Variants in MSTO1 observed in about 807,000 individuals in gnomAD.
MSTO1 encodes protein misato homolog 1.
A neutral mutation model predicts 55.7 loss-of-function variants in MSTO1; 24 were observed. The observed-to-expected ratio is 0.43, with a 90% CI of 0.31 to 0.61. MSTO1 has a LOEUF of 0.61. MSTO1 is among the 20% of genes least tolerant of loss of function. The probability of loss-of-function intolerance (pLI) is 0.09; values close to 1 mark genes in which losing one functional copy is unlikely to be tolerated. For missense variants in MSTO1, 363 were observed against 625.7 expected, an observed-to-expected ratio of 0.58 and a Z score of 4.48; for synonymous variants, 162 against 252.8, an observed-to-expected ratio of 0.64 and a Z score of 3.41.
chr1:155,602,375 C>T, the MSTO1 span, among the ~76,000 whole-genome samples: 2 of 152,176 alleles, frequency 1.3e-5, no homozygotes, highest in South Asian at 4.1e-4. Flanking sequence ...ACTTGGGAGG[C>T]TGAGGCAGGA....
At chr1:155,592,902 A>G in the MSTO1 span, among the ~76,000 whole-genome samples, 5 of 150,416 alleles carry the variant, frequency 3.3e-5, no homozygotes, top group South Asian at 1.1e-3. Flanking sequence ...TAAATTTCCT[A>G]CAGAGCAGTT....
the MSTO1 span, chr1:155,563,955 G>A: frequency 5.5e-6 from 1 of 180,828 alleles, no homozygotes; most frequent in Non-Finnish European, 1.2e-5. Flanking sequence ...GGCCTGTTAG[G>A]TTTCTGTGGC....
chr1:155,572,566 A>G, the MSTO1 span, among the ~76,000 whole-genome samples: 1 of 151,676 alleles, frequency 6.6e-6, no homozygotes, highest in African/African-American at 2.4e-5. Flanking sequence ...ACAAAACTTA[A>G]CCAGCCATGG....
rs776187235 is a variant in MSTO1, at chr1:155,612,253, A to C, written c.750A>C (p.Gln250His). 6.3e-7 allele frequency: 1 copy of C among 1,592,578 alleles called. No homozygotes were observed. Among genetic ancestry groups the C allele is most frequent in the Non-Finnish European group, 8.6e-7 (1 of 1,169,010 alleles). ...GCGCGAAGGCGGCAGAGCTGCTACA[A>C]GATGAATATTCAGGGCGGGGAATAA... is the stretch of plus-strand genomic sequence containing the variant. ...GVGAKAAELL[Q>H]DEYSGRGIIT... Residue 250 changes from glutamine to histidine, a missense_variant, in exon 8 of 14, where the codon CAA becomes CAC. Coordinates refer to ENST00000245564, the MANE Select transcript of MSTO1 (RefSeq NM_018116.4).
chr1:155,606,197 CCTTTTTTTTTTTT>C (rs1175239322), upstream of MSTO1, among the ~76,000 whole-genome samples: 1 of 53,294 alleles, frequency 1.9e-5, no homozygotes, highest in African/African-American at 7.1e-5. Context: ...CCATGCCCAG[CCTTTTTTTTTTTT>C]TTTTTTTTTT....
At chr1:155,604,099 A>G in the MSTO1 span, among the ~76,000 whole-genome samples, 1 of 152,206 alleles carries the variant, frequency 6.6e-6, no homozygotes, top group African/African-American at 2.4e-5. Flanking sequence ...TAATTTAATA[A>G]GCACTTGTTC....
the MSTO1 span, among the ~76,000 whole-genome samples, chr1:155,576,688 A>G: frequency 1.3e-5 from 2 of 151,708 alleles, no homozygotes. Flanking sequence ...ATAACACACG[A>G]TAATGAAGAT....
the MSTO1 span, among the ~76,000 whole-genome samples, chr1:155,592,760 G>A: frequency 4.6e-5 from 7 of 152,074 alleles, no homozygotes; most frequent in African/African-American, 1.7e-4. Flanking sequence ...TCCCCAAGTT[G>A]TCCAGGCTGG....
At chr1:155,566,325 TA>T in the MSTO1 span, 2 of 152,190 alleles carry the variant, frequency 1.3e-5, no homozygotes, top group African/African-American at 4.8e-5. Flanking sequence ...CCTGGTCTGA[TA>T]AAAACTTTTA....
At chr1:155,587,435 G>C in the MSTO1 span, among the ~76,000 whole-genome samples, 2,374 of 84,926 alleles carry the variant, frequency 0.028, 80 homozygotes, top group African/African-American at 0.1. Flanking sequence ...GTGAGACTAC[G>C]TCTCAAAAAA....
At chr1:155,568,020 A>T in the MSTO1 span, among the ~76,000 whole-genome samples, 1 of 151,736 alleles carries the variant, frequency 6.6e-6, no homozygotes, top group Non-Finnish European at 1.5e-5. Context: ...CCTGGGCAAC[A>T]AGAGCGAAAC....
chr1:155,595,825 G>A, the MSTO1 span, among the ~76,000 whole-genome samples: 1 of 152,068 alleles, frequency 6.6e-6, no homozygotes, highest in Non-Finnish European at 1.5e-5. Flanking sequence ...TTGCAGTTTT[G>A]TAAGTGGATT....
At chr1:155,609,243 A>ATATATATAATATATATATT (rs59756178), upstream of MSTO1, among the ~76,000 whole-genome samples, 1 of 54,590 alleles carries the variant, frequency 1.8e-5, no homozygotes, top group Admixed American at 3.9e-4. Flanking sequence ...ATATATATAT[A>ATATATATAATATATATATT]TTTTTTTTTT....
chr1:155,593,604 C>A, the MSTO1 span, among the ~76,000 whole-genome samples: 1 of 152,196 alleles, frequency 6.6e-6, no homozygotes. Context: ...ATGTACAATA[C>A]TGTATTGCCT....
At chr1:155,598,672 A>G in the MSTO1 span, among the ~76,000 whole-genome samples, 60 of 152,140 alleles carry the variant, frequency 3.9e-4, no homozygotes, top group Non-Finnish European at 1.5e-4. Context: ...CAGTGAGCCA[A>G]GATCACGTCA....
At chr1:155,600,410 G>T in the MSTO1 span, among the ~76,000 whole-genome samples, 607 of 152,296 alleles carry the variant, frequency 4.0e-3, no homozygotes, top group Non-Finnish European at 5.2e-3. Context: ...CAAGGCAGAA[G>T]AATTTTTCTT....
At chr1:155,582,232 C>G in the MSTO1 span, among the ~76,000 whole-genome samples, 46 of 152,122 alleles carry the variant, frequency 3.0e-4, no homozygotes, top group African/African-American at 1.1e-3. Context: ...CCCTTACCTA[C>G]CGTCCAGTTA....
chr1:155,575,555 C>T, the MSTO1 span, among the ~76,000 whole-genome samples: 37,846 of 151,652 alleles, frequency 0.25, 5,662 homozygotes, highest in East Asian at 0.72. Context: ...TGATCCTCCC[C>T]GCTCAGCCCC....
the MSTO1 span, among the ~76,000 whole-genome samples, chr1:155,594,575 G>A: frequency 2.0e-5 from 3 of 152,014 alleles, no homozygotes; most frequent in Non-Finnish European, 2.9e-5. Context: ...TGAGGAATTT[G>A]AGACTTATTT....
Sources: gnomAD v4.1 joint callset for allele counts (sites outside exome capture counted in the v4.1 genomes callset) on GRCh38, gnomAD v4.1.1 for gene constraint, MANE v1.5 for transcripts, NCBI Gene and HGNC (gene_info 2026-07-23, HGNC 2026-07-21) for gene names.